Variants in PDE1A observed in about 807,000 individuals in gnomAD.
PDE1A encodes the protein phosphodiesterase 1A, also known as dual specificity calcium/calmodulin-dependent 3',5'-cyclic nucleotide phosphodiesterase 1A.
A neutral mutation model predicts 61.7 loss-of-function variants in PDE1A; 35 were observed. That is an observed-to-expected ratio of 0.57 (90% CI 0.43 to 0.75). The LOEUF (loss-of-function observed/expected upper bound fraction) is 0.75. Ranked by LOEUF, PDE1A falls within the 30% of genes least tolerant of loss-of-function variation. The probability of loss-of-function intolerance (pLI) is 0.00; values close to 1 mark genes in which losing one functional copy is unlikely to be tolerated. For missense variants in PDE1A, 597 were observed against 630.6 expected (o/e 0.95, Z 0.57); for synonymous variants, 232 against 213.2 (o/e 1.09, Z -0.77).
the PDE1A span, among the ~76,000 whole-genome samples, chr2:182,687,355 C>T: frequency 5.9e-5 from 9 of 152,220 alleles, no homozygotes; most frequent in Non-Finnish European, 1.5e-5. Context: ...AACAATCAGA[C>T]AGCAACATTC....
chr2:182,198,771 A>T (rs968004317), intron 10 of PDE1A, among the ~76,000 whole-genome samples: 1 of 151,834 alleles, frequency 6.6e-6, no homozygotes, highest in Non-Finnish European at 1.5e-5. Flanking sequence ...GCAGATGTGG[A>T]TGTGTAATTT....
At chr2:182,532,003 T>A in the PDE1A span, among the ~76,000 whole-genome samples, 1 of 152,204 alleles carries the variant, frequency 6.6e-6, no homozygotes, top group East Asian at 1.9e-4. Context: ...TCCAGCTTCA[T>A]CCATGTCCCT....
the PDE1A span, among the ~76,000 whole-genome samples, chr2:182,596,086 A>C: frequency 1.8e-4 from 28 of 152,326 alleles, no homozygotes; most frequent in African/African-American, 6.0e-4. Context: ...CAACAACAAC[A>C]ACCAACCTTT....
upstream of PDE1A, among the ~76,000 whole-genome samples, chr2:182,527,338 A>ATGTG: frequency 1.4e-4 from 1 of 7,148 alleles, no homozygotes; most frequent in African/African-American, 5.9e-4. Flanking sequence ...ATATATATAT[A>ATGTG]TATATATATA....
intron 13 of PDE1A, among the ~76,000 whole-genome samples, chr2:182,171,636 T>C (rs1215524256): frequency 2.6e-5 from 4 of 151,718 alleles, no homozygotes. Flanking sequence ...AATTTGGAAG[T>C]ATTTTCAGCA....
At chr2:182,595,995 T>A in the PDE1A span, among the ~76,000 whole-genome samples, 1 of 152,056 alleles carries the variant, frequency 6.6e-6, no homozygotes, top group Non-Finnish European at 1.5e-5. Flanking sequence ...TTTAAAGGAG[T>A]AACTTAAAGT....
chr2:182,303,592 G>A (rs1196418891), intron 1 of PDE1A, among the ~76,000 whole-genome samples: 2 of 152,140 alleles, frequency 1.3e-5, no homozygotes, highest in African/African-American at 4.8e-5. Flanking sequence ...ATGAGCATTG[G>A]CTCTAAGTTA....
chr2:182,161,287 A>G (rs923928960), intron 13 of PDE1A, among the ~76,000 whole-genome samples: 2 of 152,162 alleles, frequency 1.3e-5, no homozygotes, highest in African/African-American at 4.8e-5. Context: ...CGGCTGAGTT[A>G]CAAAGAAAGG....
At chr2:182,174,647 A>T (rs1365421408) in intron 13 of PDE1A, among the ~76,000 whole-genome samples, 2 of 152,132 alleles carry the variant, frequency 1.3e-5, no homozygotes, top group African/African-American at 2.4e-5. Flanking sequence ...ATTTTCTGGG[A>T]AGAAATAGTG....
chr2:182,203,354 T>C (rs1021014384), intron 8 of PDE1A, among the ~76,000 whole-genome samples: 3 of 152,130 alleles, frequency 2.0e-5, no homozygotes, highest in Non-Finnish European at 2.9e-5. Context: ...TATTGATGGT[T>C]CTTGCTGAAA....
intron 1 of PDE1A, among the ~76,000 whole-genome samples, chr2:182,421,525 T>G (rs1052674278): frequency 1.3e-5 from 2 of 152,230 alleles, no homozygotes; most frequent in Non-Finnish European, 2.9e-5. Flanking sequence ...TTGCTACTGC[T>G]GCTGATAATT....
chr2:182,472,866 G>T (rs1430163), intron 2 of PDE1A, among the ~76,000 whole-genome samples: 98,228 of 151,428 alleles, frequency 0.65, 32,810 homozygotes, highest in East Asian at 0.95. Context: ...ATTTAGAGCC[G>T]GAGAAGAACT....
chr2:182,431,663 A>G (rs529004973), upstream of PDE1A, among the ~76,000 whole-genome samples: 1 of 152,124 alleles, frequency 6.6e-6, no homozygotes, highest in South Asian at 2.1e-4. Context: ...AAGTTTTACA[A>G]CTGACTAAGA....
chr2:182,313,048 A>G (rs2887200), intron 1 of PDE1A, among the ~76,000 whole-genome samples: 55,951 of 152,152 alleles, frequency 0.37, 12,409 homozygotes, highest in Non-Finnish European at 0.48. Context: ...TTTTCAGAAT[A>G]TCTGTTGCTA....
intron 1 of PDE1A, among the ~76,000 whole-genome samples, chr2:182,317,764 C>T (rs1346773517): frequency 1.3e-5 from 2 of 152,018 alleles, no homozygotes; most frequent in African/African-American, 4.8e-5. Context: ...TTAATTGATT[C>T]TTGAGTATGC....
chr2:182,503,005 T>TTCTC (rs145626816), intron 2 of PDE1A, among the ~76,000 whole-genome samples: 1 of 127,424 alleles, frequency 7.8e-6, no homozygotes, highest in South Asian at 2.5e-4. Context: ...GGTTCTCTCT[T>TTCTC]TCTCTCTCTC....
In PDE1A at chr2:182,460,337, C is replaced by A. The variant is rs553397423; in HGVS notation, c.101+61939G>T. On this transcript the variant is annotated intron_variant, in intron 2 of 14. Transcript: ENST00000410103. Reference sequence around the variant, plus strand: ...GCCTCACTTCCCCAGTGTTACTTCCCATCACCAGTTCGACCTTTCATTCAA... The same window carrying A: ...GCCTCACTTCCCCAGTGTTACTTCCAATCACCAGTTCGACCTTTCATTCAA... Among the ~76,000 whole-genome samples the A allele has an allele frequency of 1.6e-4, 25 of 152,224 alleles. 2 individuals carry two copies. The South Asian group carries it at 4.1e-3, about 25-fold the overall frequency.
Position 182,374,904 on chromosome 2 carries a change from G to A in PDE1A, c.53+51674C>T, listed in dbSNP as rs560699747. Among the ~76,000 whole-genome samples, 14 of 152,314 alleles carry A rather than the reference G, an allele frequency of 9.2e-5. 1 individual carries two copies. Among genetic ancestry groups the A allele is most frequent in the South Asian group, 8.3e-4 (4 of 4,826 alleles). On this transcript the variant is annotated intron_variant, in intron 1 of 13. Transcript: ENST00000351439. Reference sequence around the variant, plus strand: ...GGAAGCCTCACAATCATGGTGGAAGGCAAGGAGAAAGTTTCGTCTTACATG... The same window carrying A: ...GGAAGCCTCACAATCATGGTGGAAGACAAGGAGAAAGTTTCGTCTTACATG...
chr2:182,571,780 T>C, the PDE1A span, among the ~76,000 whole-genome samples: 1 of 152,168 alleles, frequency 6.6e-6, no homozygotes, highest in Non-Finnish European at 1.5e-5. Context: ...GTCTCCGGTG[T>C]AGTAGCAACT....
Sources: gnomAD v4.1 joint callset for allele counts (sites outside exome capture counted in the v4.1 genomes callset) on GRCh38, gnomAD v4.1.1 for gene constraint, MANE v1.5 for transcripts, NCBI Gene and HGNC (gene_info 2026-07-23, HGNC 2026-07-21) for gene names.